Variants in LZIC observed in about 807,000 individuals in gnomAD.
The protein encoded by LZIC is protein LZIC.
A neutral mutation model predicts 25.4 loss-of-function variants in LZIC; 28 were observed. That is an observed-to-expected ratio of 1.10 (90% CI 0.82 to 1.51). The LOEUF (loss-of-function observed/expected upper bound fraction) is 1.51, where lower values mean the gene tolerates loss of function less well. Ranked by LOEUF, LZIC falls within the 40% of genes most tolerant of loss-of-function variation. The pLI, the probability that LZIC is intolerant of heterozygous loss-of-function variation, is 0.00. For missense variants in LZIC, 170 were observed against 211.1 expected, an observed-to-expected ratio of 0.81 and a Z score of 1.21; for synonymous variants, 65 against 70.7, an observed-to-expected ratio of 0.92 and a Z score of 0.40.
chr1:9,941,545 G>A (rs1012809222), intron 2 of LZIC, among the ~76,000 whole-genome samples: 2 of 149,076 alleles, frequency 1.3e-5, no homozygotes, highest in Non-Finnish European at 3.0e-5. Context: ...CTGTCGCCAG[G>A]CTGGAGTGCA....
In LZIC at chr1:9,936,581, C is replaced by A. The variant is rs1557441878; in HGVS notation, c.39G>T (p.Lys13Asn). The stretch of plus-strand genomic sequence containing the variant: ...TATCCAACTGTTCTTCTAAATTCTG[C>A]TTTAATTTGCTTGTCTCTGTCTTTC... ...SRGKTETSKL[K>N]QNLEEQLDRL... The change falls in exon 3 of 8, where the codon AAG (lysine) becomes AAT (asparagine). Residue 13 changes from lysine to asparagine, a missense_variant. Physicochemically the swap from Lys to Asn is moderately conservative, Grantham distance 94. Transcript: ENST00000377223. 2 of 1,613,686 alleles carry A rather than the reference C, an allele frequency of 1.2e-6. No individual in the cohort carries two copies. The highest frequency in any genetic ancestry group is 3.3e-5 in the Admixed American group (2 of 60,006).
At chr1:9,934,696 A>G in intron 5 of LZIC, 66 bp downstream of exon 5, 1 of 1,365,246 alleles carries the variant, frequency 7.3e-7, no homozygotes, top group Non-Finnish European at 1.0e-6. Flanking sequence ...GCCATAGGAT[A>G]TCATAATGAA....
intron 2 of LZIC, among the ~76,000 whole-genome samples, chr1:9,942,065 C>T (rs933109338): frequency 6.6e-6 from 1 of 152,100 alleles, no homozygotes; most frequent in East Asian, 1.9e-4. Context: ...TACAGGCATG[C>T]GTCACCACAT....
intron 2 of LZIC, among the ~76,000 whole-genome samples, chr1:9,938,671 T>C (rs536298534): frequency 1.3e-5 from 2 of 152,272 alleles, no homozygotes; most frequent in East Asian, 3.9e-4. Context: ...GCCTTTGTAA[T>C]TGCAAATATT....
rs112296904 is a variant in LZIC at position 9,935,358 on chromosome 1, G to A, written c.237+134C>T. The A allele has an allele frequency of 2.3e-3, 1,881 of 804,582 alleles. 28 individuals carry two copies. The African/African-American group carries it at 0.03, about 13-fold the overall frequency. The allele number at this position is 804,582 out of a possible 1,614,324, so 49.8% of individuals were successfully genotyped here. On this transcript the variant is annotated intron_variant, in intron 4 of 7. Coordinates refer to ENST00000377223, the MANE Select transcript of LZIC (RefSeq NM_032368.5). ...AAGGAGAATCGCTTGAACCTGGGAGGCGGAGGTTGCAGTGAGCCAAGACTG... is the reference window on the plus strand; with the variant it reads ...AAGGAGAATCGCTTGAACCTGGGAGACGGAGGTTGCAGTGAGCCAAGACTG...
downstream of LZIC, chr1:9,922,441 CT>C: frequency 2.2e-6 from 1 of 464,810 alleles, no homozygotes; most frequent in Non-Finnish European, 2.8e-6. Flanking sequence ...TGGCAATATC[CT>C]AGATTGACTT....
Position 9,931,012 on chromosome 1 carries a change from C to T in LZIC, c.515-555G>A, listed in dbSNP as rs1463718466. Among the ~76,000 whole-genome samples the T allele has an allele frequency of 2.0e-5, 3 of 151,692 alleles. No individual in the cohort carries two copies. In the East Asian group the frequency reaches 5.8e-4, roughly 29 times the overall value. ...GGGATTACAGGCTTGAGCCACCGCA[C>T]CTGGCCATAAAATTTATTTTAAAAC... On this transcript the variant is annotated intron_variant, in intron 7 of 7. Transcript: ENST00000377223.
At chr1:9,922,609 C>T (rs1639890803), downstream of LZIC, among the ~76,000 whole-genome samples, 1 of 152,234 alleles carries the variant, frequency 6.6e-6, no homozygotes, top group African/African-American at 2.4e-5. Flanking sequence ...GGGAGCATTT[C>T]TGCTCATCTT....
In LZIC at chr1:9,928,445, A is replaced by G. The variant is rs938641960; in HGVS notation, c.*1954T>C. Among the ~76,000 whole-genome samples the G allele has an allele frequency of 1.3e-5, 2 of 152,258 alleles. No individual in the cohort carries two copies. The stretch of plus-strand genomic sequence containing the variant: ...AAATGTTCACTGAAGCATTATTCAC[A>G]ATAGCCAAAAGAAGGAAACAACCCA... On this transcript the variant is annotated 3_prime_UTR_variant, in exon 8 of 8. Transcript: ENST00000377223.
intron 4 of LZIC, 45 bp from the exon 5 acceptor site, chr1:9,934,905 A>C: frequency 1.5e-6 from 2 of 1,349,000 alleles, no homozygotes; most frequent in Non-Finnish European, 2.1e-6. Context: ...AGTCCAACAA[A>C]TCAGATATTG....
At chr1:9,925,900 T>C (rs1639969796), downstream of LZIC, among the ~76,000 whole-genome samples, 1 of 139,468 alleles carries the variant, frequency 7.2e-6, no homozygotes, top group Non-Finnish European at 1.6e-5. Context: ...TTTTTTTTTT[T>C]TTTTTTTTTT....
intron 5 of LZIC, among the ~76,000 whole-genome samples, chr1:9,934,540 A>C (rs1640372218): frequency 6.6e-6 from 1 of 152,240 alleles, no homozygotes; most frequent in South Asian, 2.1e-4. Flanking sequence ...TTAAAGGTGG[A>C]GTCCAGGTAG....
chr1:9,932,981 G>A, intron 5 of LZIC, 83 bp from the exon 6 acceptor site: 2 of 916,318 alleles, frequency 2.2e-6, no homozygotes. Context: ...GCCAGGCGCA[G>A]TGGCTCACGC....
chr1:9,939,264 A>T (rs1640588334), intron 2 of LZIC, among the ~76,000 whole-genome samples: 1 of 150,896 alleles, frequency 6.6e-6, no homozygotes, highest in African/African-American at 2.4e-5. Context: ...GTTTTGCCAT[A>T]TTGGCCAGGT....
chr1:9,941,649 A>G (rs947623509), intron 2 of LZIC, among the ~76,000 whole-genome samples: 11 of 150,058 alleles, frequency 7.3e-5, no homozygotes, highest in Middle Eastern at 3.4e-3. Flanking sequence ...ACAGGCACGC[A>G]CTACCACGCC....
rs1483657997 is a variant in LZIC at position 9,928,541 on chromosome 1, G to C, written c.*1858C>G. Among the ~76,000 whole-genome samples the C allele has an allele frequency of 6.6e-6, 1 of 152,048 alleles. No homozygotes were observed. The highest frequency in any genetic ancestry group is 2.4e-5 in the African/African-American group (1 of 41,392). On this transcript the variant is annotated 3_prime_UTR_variant, in exon 8 of 8. Coordinates refer to ENST00000377223, the MANE Select transcript of LZIC (RefSeq NM_032368.5). ...TGGAATATTATTTAGCCATAAAAAG[G>C]AATAAAGTACTGATACATGCTATAA...
rs138070210 is a variant in LZIC at position 9,942,987 on chromosome 1, G to T, written c.-167-205C>A. 1,699 of 345,158 alleles carry T rather than the reference G, an allele frequency of 4.9e-3. 27 individuals carry two copies. The highest frequency in any genetic ancestry group is 3.5e-3 in the South Asian group (155 of 44,892). The allele number at this position is 345,158 out of a possible 1,614,324, so 21.4% of individuals were successfully genotyped here. On this transcript the variant is annotated intron_variant, in intron 1 of 7. Coordinates refer to ENST00000377223, the MANE Select transcript of LZIC (RefSeq NM_032368.5). ...TGAGGAAAATCCCGCATCCGGACAC[G>T]CCTTGAGGGATGGCGTCAAACCCAG...
downstream of LZIC, among the ~76,000 whole-genome samples, chr1:9,923,912 C>G (rs1570617115): frequency 6.6e-6 from 1 of 152,124 alleles, no homozygotes; most frequent in African/African-American, 2.4e-5. Flanking sequence ...GCCACCACGC[C>G]CGGCTAATTT....
At chr1:9,932,767 C>T (rs755738524) in intron 6 of LZIC, 36 bp downstream of exon 6, 8 of 1,166,250 alleles carry the variant, frequency 6.9e-6, no homozygotes, top group Non-Finnish European at 1.0e-5. Context: ...ATAATTCATA[C>T]TTTTTCTTTG....
Sources: allele counts gnomAD v4.1 joint callset (sites outside exome capture counted in the v4.1 genomes callset), GRCh38; gene constraint gnomAD v4.1.1; transcripts MANE v1.5; gene names NCBI Gene and HGNC (gene_info 2026-07-23, HGNC 2026-07-21).